The following SLC12A2 variants were observed in gnomAD, a reference collection of about 807,000 sequenced individuals.
The protein encoded by SLC12A2 is Na-K-2Cl cotransporter 1.
In SLC12A2, 67 loss-of-function variants were observed where a neutral mutation model predicts 136.3. The observed-to-expected ratio is 0.49, with a 90% CI of 0.40 to 0.60. The LOEUF (loss-of-function observed/expected upper bound fraction) is 0.60, where lower values mean the gene tolerates loss of function less well. SLC12A2 is among the 20% of genes least tolerant of loss of function. The probability of loss-of-function intolerance (pLI) is 0.00; values close to 1 mark genes in which losing one functional copy is unlikely to be tolerated. For missense variants in SLC12A2, 1,322 were observed against 1,534.7 expected (o/e 0.86, Z 2.32); for synonymous variants, 619 against 562.9 (o/e 1.10, Z -1.41).
intron 1 of SLC12A2, among the ~76,000 whole-genome samples, chr5:128,098,750 A>G (rs1442152134): frequency 6.6e-6 from 1 of 151,804 alleles, no homozygotes; most frequent in Non-Finnish European, 1.5e-5. Flanking sequence ...TCTGTATTTT[A>G]TGGTTTCCAG....
chr5:128,096,727 C>T (rs1296145791), intron 1 of SLC12A2, among the ~76,000 whole-genome samples: 1 of 152,058 alleles, frequency 6.6e-6, no homozygotes, highest in Admixed American at 6.6e-5. Context: ...GAAAATATTA[C>T]ACTGCCTCTC....
intron 4 of SLC12A2, among the ~76,000 whole-genome samples, chr5:128,124,284 G>A (rs955949871): frequency 5.3e-5 from 8 of 152,122 alleles, no homozygotes; most frequent in Admixed American, 3.3e-4. Context: ...GACACTAATT[G>A]GGTATCCAAC....
At chr5:128,124,525 A>G (rs553890553) in intron 4 of SLC12A2, among the ~76,000 whole-genome samples, 1 of 152,284 alleles carries the variant, frequency 6.6e-6, no homozygotes, top group South Asian at 2.1e-4. Flanking sequence ...TCATCAGTTT[A>G]TAATAAAGGC....
At chr5:128,111,156 T>G (rs546585998) in intron 1 of SLC12A2, among the ~76,000 whole-genome samples, 1 of 152,188 alleles carries the variant, frequency 6.6e-6, no homozygotes, top group Non-Finnish European at 1.5e-5. Flanking sequence ...TGACTGTACT[T>G]TACATTTTTA....
chr5:128,180,892 T>G lies in SLC12A2; in HGVS notation c.3110T>G (p.Leu1037Ter), dbSNP rs1242100012. The change falls in exon 23 of 27, where the codon TTA (leucine) becomes TGA (stop). Residue 1037 changes from leucine to a stop codon, truncating the protein, a stop_gained. Coordinates refer to ENST00000262461, the MANE Select transcript of SLC12A2 (RefSeq NM_001046.3). LOFTEE classifies it high-confidence loss of function. ...CATTTTTATAATTCAGGTTTGACCT[T>G]ATTGATACCTTACCTTCTGACGACC... Reference protein sequence around the residue: ...WWLFDDGGLTLLIPYLLTTKK... With the variant: ...WWLFDDGGLT 6.3e-7 allele frequency: 1 copy of G among 1,585,414 alleles called. No individual in the cohort carries two copies.
chr5:128,104,604 C>G (rs1280804302), intron 1 of SLC12A2, among the ~76,000 whole-genome samples: 1 of 150,824 alleles, frequency 6.6e-6, no homozygotes, highest in Non-Finnish European at 1.5e-5. Context: ...TGCACTCTAG[C>G]CTGGGTGACA....
chr5:128,084,451 G>T lies in SLC12A2; in HGVS notation c.497G>T (p.Gly166Val). The change falls in exon 1 of 27, where the codon GGG (glycine) becomes GTG (valine). Residue 166 changes from glycine (G) to valine (V), a missense_variant. Physicochemically the swap from Gly to Val is moderately radical, Grantham distance 109 (BLOSUM62 -3). Around this residue, in one of 8 missense-constraint regions of SLC12A2, gnomAD observed 358 missense variants for 299.7 expected, o/e 1.19. Coordinates refer to ENST00000262461, the MANE Select transcript of SLC12A2 (RefSeq NM_001046.3). The surrounding 1 kb of genome is among the most constrained non-coding windows in gnomAD (Gnocchi z 5.6). ...GATGCTGCCGGGGTCGGAGTCGACGGGCCCAACGTGAGCTTCCAGAACGGC... is the reference window on the plus strand; with the variant it reads ...GATGCTGCCGGGGTCGGAGTCGACGTGCCCAACGTGAGCTTCCAGAACGGC... ...LSDAAGVGVD[G>V]PNVSFQNGGD... The T allele has an allele frequency of 6.2e-7, 1 of 1,612,850 alleles. No individual in the cohort carries two copies. The highest frequency in any genetic ancestry group is 8.5e-7 in the Non-Finnish European group (1 of 1,179,652).
intron 24 of SLC12A2, among the ~76,000 whole-genome samples, chr5:128,183,242 T>TA (rs2126760254): frequency 6.6e-6 from 1 of 152,202 alleles, no homozygotes; most frequent in East Asian, 1.9e-4. Flanking sequence ...ACATACCTAT[T>TA]ACTTTCCACT....
intron 1 of SLC12A2, among the ~76,000 whole-genome samples, chr5:128,103,089 A>G (rs762408581): frequency 2.6e-5 from 4 of 152,218 alleles, no homozygotes; most frequent in Non-Finnish European, 5.9e-5. Flanking sequence ...AGTATTGTAT[A>G]TCTCTAAGGA....
chr5:128,179,730 A>G (rs956525514), intron 22 of SLC12A2, among the ~76,000 whole-genome samples: 5 of 152,022 alleles, frequency 3.3e-5, no homozygotes, highest in African/African-American at 1.2e-4. Context: ...ACCTTGAGGG[A>G]CTGACCCCCA....
intron 4 of SLC12A2, among the ~76,000 whole-genome samples, chr5:128,121,100 C>T (rs1289171956): frequency 6.6e-6 from 1 of 152,034 alleles, no homozygotes; most frequent in East Asian, 1.9e-4. Flanking sequence ...TTAATTTTAA[C>T]TTTGGCTTTA....
intron 11 of SLC12A2, among the ~76,000 whole-genome samples, chr5:128,148,313 T>A (rs1253852327): frequency 6.6e-6 from 1 of 151,746 alleles, no homozygotes; most frequent in Non-Finnish European, 1.5e-5. Flanking sequence ...AGCCAGTGAG[T>A]ACAGTAAAGG....
intron 16 of SLC12A2, among the ~76,000 whole-genome samples, chr5:128,158,452 ATTTTG>A (rs901866095): frequency 4.6e-5 from 7 of 151,936 alleles, no homozygotes; most frequent in Non-Finnish European, 8.8e-5. Context: ...AACATGTGGT[ATTTTG>A]TTTTGTGTTC....
intron 4 of SLC12A2, among the ~76,000 whole-genome samples, chr5:128,127,998 T>A (rs1761880903): frequency 6.6e-6 from 1 of 152,168 alleles, no homozygotes; most frequent in Non-Finnish European, 1.5e-5. Context: ...TTTACTGTAA[T>A]TTCTGTTAGG....
Position 128,187,802 on chromosome 5 carries a change from TGTG to T in SLC12A2, c.*1172_*1174del. 1 of 152,752 alleles carries T rather than the reference TGTG, an allele frequency of 6.5e-6. No homozygotes were observed. Among genetic ancestry groups the T allele is most frequent in the South Asian group, 2.1e-4 (1 of 4,828 alleles). 9.5% of individuals were successfully genotyped at this position (152,752 alleles called of 1,614,324 possible). ...CTTTTGTTAAGAAAAACTGCCAGTT[TGTG>T]CTTTTGAAATGTCTGTTTTGACATC... On this transcript the variant is annotated 3_prime_UTR_variant, in exon 27 of 27. Transcript: ENST00000262461.
intron 17 of SLC12A2, 59 bp from the exon 18 acceptor site, chr5:128,167,702 C>T (rs1189635467): frequency 3.2e-6 from 4 of 1,244,630 alleles, no homozygotes; most frequent in Non-Finnish European, 4.6e-6. Context: ...TTTATCACTT[C>T]AGAAAACATT....
chr5:128,162,481 T>G (rs1233924462), intron 17 of SLC12A2, among the ~76,000 whole-genome samples: 1 of 152,140 alleles, frequency 6.6e-6, no homozygotes, highest in Non-Finnish European at 1.5e-5. Flanking sequence ...ATTTGTTTTG[T>G]TTTTAGAAAA....
At chr5:128,086,879 C>T (rs1561648025) in intron 1 of SLC12A2, among the ~76,000 whole-genome samples, 1 of 152,162 alleles carries the variant, frequency 6.6e-6, no homozygotes, top group Non-Finnish European at 1.5e-5. Context: ...CTCTCTAACA[C>T]CTTCTGTAAT....
At chr5:128,109,878 G>T in intron 1 of SLC12A2, 1 of 789,242 alleles carries the variant, frequency 1.3e-6, no homozygotes, top group Non-Finnish European at 2.3e-6. Flanking sequence ...GAGCCAGTGT[G>T]CCATGAGAAT....
Sources: gnomAD v4.1 joint callset for allele counts (sites outside exome capture counted in the v4.1 genomes callset) on GRCh38, gnomAD v4.1.1 for gene constraint, gnomAD v4.1.1 regional missense constraint, Gnocchi (gnomAD v3.1) non-coding constraint, MANE v1.5 for transcripts, NCBI Gene and HGNC (gene_info 2026-07-23, HGNC 2026-07-21) for gene names.